The following AGRN variants were observed in gnomAD, a reference collection of about 807,000 sequenced individuals.
The protein encoded by AGRN is agrin.
A neutral mutation model predicts 211.0 loss-of-function variants in AGRN; 106 were observed. The observed-to-expected ratio is 0.50, with a 90% confidence interval of 0.43 to 0.59. The LOEUF is 0.59. AGRN is among the 20% of genes least tolerant of loss of function. The probability of loss-of-function intolerance (pLI) is 0.00; values close to 1 mark genes in which losing one functional copy is unlikely to be tolerated. For synonymous variants in AGRN, 1,525 were observed against 1,332.5 expected (o/e 1.14, Z -3.15); for missense variants, 3,040 against 2,982.6 (o/e 1.02, Z -0.45).
At chr1:1,050,351 G>T in intron 28 of AGRN, 22 bp downstream of exon 28, 1 of 1,612,786 alleles carries the variant, frequency 6.2e-7, no homozygotes, top group East Asian at 2.2e-5. Context: ...AGGAGCAGGG[G>T]GAAGGGCCGG....
At position 1,045,410 on chromosome 1, in the gene AGRN, C is replaced by A. The variant is rs1344424012; in HGVS notation, c.2423C>A (p.Ala808Asp). The A allele has an allele frequency of 1.2e-6, 2 of 1,611,968 alleles. No homozygotes were observed. The highest frequency in any genetic ancestry group is 2.2e-5 in the East Asian group (1 of 44,868). ...TCTTACGGCGGCACCTGTGACCCAG[C>A]CACAGGCCAGTGCTCCTGCCGCCCA... ...HGSYGGTCDP[A>D]TGQCSCRPGV... Residue 808 changes from alanine to aspartate, a missense_variant, in exon 14 of 36, where the codon GCC becomes GAC. Around this residue, in one of 3 missense-constraint regions of AGRN, gnomAD observed 1,498 missense variants for 1,457.8 expected, o/e 1.03. Transcript: ENST00000379370.
At chr1:1,034,003 C>G (rs986297436) in intron 2 of AGRN, 3 of 569,166 alleles carry the variant, frequency 5.3e-6, no homozygotes, top group East Asian at 2.9e-4. Context: ...ACTCACCTCC[C>G]CAGCCCCGCG....
chr1:1,037,193 C>T (rs1003979788), intron 3 of AGRN, among the ~76,000 whole-genome samples: 1 of 152,208 alleles, frequency 6.6e-6, no homozygotes, highest in African/African-American at 2.4e-5. Context: ...ACTGCGTTTC[C>T]ACCACCTGTG....
chr1:1,039,335 G>T (rs1644873209), intron 3 of AGRN, among the ~76,000 whole-genome samples: 1 of 151,442 alleles, frequency 6.6e-6, no homozygotes, highest in Non-Finnish European at 1.5e-5. Context: ...CAGACAGACA[G>T]CGCCAGAGCC....
At position 1,046,285 on chromosome 1, in the gene AGRN, G is replaced by T; in HGVS notation, c.2911+20G>T. 1 of 1,612,854 alleles carries T rather than the reference G, an allele frequency of 6.2e-7. No individual in the cohort carries two copies. Among genetic ancestry groups the T allele is most frequent in the South Asian group, 1.1e-5 (1 of 91,078 alleles). ...GCCAGGGTGAGGCCTGACGGCCACT[G>T]CCCCAGAACTGACCAGGAAGGCCTG... is the stretch of plus-strand genomic sequence containing the variant. On this transcript the variant is annotated intron_variant, in intron 17 of 35. Transcript: ENST00000379370.
At chr1:1,030,813 ATG>A (rs1644653429) in intron 2 of AGRN, among the ~76,000 whole-genome samples, 2 of 38,626 alleles carry the variant, frequency 5.2e-5, no homozygotes, top group Non-Finnish European at 1.0e-4. Flanking sequence ...TGAGATCAGC[ATG>A]TGTGTGTGCA....
At chr1:1,021,198 C>T (rs969931663) in intron 1 of AGRN, among the ~76,000 whole-genome samples, 1 of 152,220 alleles carries the variant, frequency 6.6e-6, no homozygotes, top group Non-Finnish European at 1.5e-5. Context: ...TGGGCTCCCC[C>T]GCCGGCCCAG....
At position 1,045,390 on chromosome 1, in the gene AGRN, C is replaced by T. The variant is rs546440331; in HGVS notation, c.2403C>T (p.Tyr801=). The part of the protein sequence containing the change: ...SACQCNPHGS[Y]GGTCDPATGQ... ...GCCAGTGCAACCCCCATGGCTCTTA[C>T]GGCGGCACCTGTGACCCAGCCACAG... The change falls in exon 14 of 36, where the codon TAC becomes TAT. Residue 801 remains tyrosine, a synonymous_variant. Coordinates refer to ENST00000379370, the MANE Select transcript of AGRN (RefSeq NM_198576.4). The T allele has an allele frequency of 2.4e-5, 38 of 1,610,798 alleles. No homozygotes were observed. The East Asian group carries it at 3.8e-4, about 16-fold the overall frequency.
chr1:1,048,448 C>G lies in AGRN; in HGVS notation c.4105+83C>G. 8.5e-7 allele frequency: 1 copy of G among 1,176,704 alleles called. No individual in the cohort carries two copies. Among genetic ancestry groups the G allele is most frequent in the Non-Finnish European group, 1.2e-6 (1 of 865,924 alleles). 72.9% of individuals were successfully genotyped at this position (1,176,704 alleles called of 1,614,324 possible). A position where few individuals can be genotyped will look rare whatever the true frequency, so the allele number is the denominator to read the frequency against. ...GGGGTGGGGCTAAGCCACCATCAGGCTTTGAGTTGGGGGCAGGAGCCCGGA... is the reference window on the plus strand; with the variant it reads ...GGGGTGGGGCTAAGCCACCATCAGGGTTTGAGTTGGGGGCAGGAGCCCGGA... On this transcript the variant is annotated intron_variant, in intron 23 of 35. Coordinates refer to ENST00000379370, the MANE Select transcript of AGRN (RefSeq NM_198576.4). This position sits in a 1 kb window ranked among gnomAD's most constrained non-coding sequence, Gnocchi z 5.9.
At chr1:1,041,840 C>T (rs144150197) in intron 6 of AGRN, 116 bp from the exon 7 acceptor site, 2 of 1,429,728 alleles carry the variant, frequency 1.4e-6, no homozygotes, top group African/African-American at 3.2e-5. Flanking sequence ...GTGCCAGGGT[C>T]GAGGTGGGCG....
In AGRN at chr1:1,022,365, A is replaced by G; in HGVS notation, c.366A>G (p.Pro122=). Residue 122 remains proline (P), a synonymous_variant, in exon 2 of 36, where the codon CCA becomes CCG. Coordinates refer to ENST00000379370, the MANE Select transcript of AGRN (RefSeq NM_198576.4). ...TCTTCTTTGTGAACCCTGCACCCCC[A>G]TACCTGTGGCCAGCCCACAAGAACG... ...TRIFFVNPAP[P]YLWPAHKNEL... is the part of the protein sequence containing the mutation. 3.7e-6 allele frequency: 6 copies of G among 1,613,322 alleles called. No homozygotes were observed. Among genetic ancestry groups the G allele is most frequent in the Non-Finnish European group, 5.1e-6 (6 of 1,179,978 alleles).
chr1:1,029,589 CCGTGTGTGTGTGTG>C (rs1206786397), intron 2 of AGRN, among the ~76,000 whole-genome samples: 1 of 151,288 alleles, frequency 6.6e-6, no homozygotes, highest in African/African-American at 2.4e-5. Flanking sequence ...CATTGTGTGG[CCGTGTGTGTGTGTG>C]CAGTGCATGG....
At chr1:1,039,494 G>C (rs989353083) in intron 3 of AGRN, among the ~76,000 whole-genome samples, 2 of 151,784 alleles carry the variant, frequency 1.3e-5, no homozygotes, top group African/African-American at 4.8e-5. Context: ...ACTTATTAAT[G>C]ATAATTGGAC....
Position 1,034,636 on chromosome 1 carries a change from C to T in AGRN, c.464-641C>T, listed in dbSNP as rs1644756382. On this transcript the variant is annotated intron_variant, in intron 2 of 35. Transcript: ENST00000379370. ...TGGTGCGAGGCTTCATGGTGCCCTG[C>T]AACGCCTGCCTGATCCTGCTGGCCA... 8 of 987,584 alleles carry T rather than the reference C, an allele frequency of 8.1e-6. No homozygotes were observed. The South Asian group carries it at 2.3e-4, about 29-fold the overall frequency. 61.2% of individuals were successfully genotyped at this position (987,584 alleles called of 1,614,324 possible).
chr1:1,038,819 C>T (rs2465131), intron 3 of AGRN, among the ~76,000 whole-genome samples: 134,049 of 152,064 alleles, frequency 0.88, 59,622 homozygotes, highest in East Asian at 1. Context: ...GGGCCTTGGA[C>T]AAGGCAGGGC....
At chr1:1,051,091 T>C (rs977311678) in intron 30 of AGRN, 162 bp from the exon 31 acceptor site, 3 of 1,543,946 alleles carry the variant, frequency 1.9e-6, no homozygotes, top group Non-Finnish European at 2.6e-6. Context: ...CCTCAACCCC[T>C]AGGGTAGCTC....
intron 1 of AGRN, 84 bp downstream of exon 1, chr1:1,020,457 C>CG (rs2100556299): frequency 7.5e-7 from 1 of 1,330,734 alleles, no homozygotes; most frequent in South Asian, 1.4e-5. Flanking sequence ...GAACCAGCCC[C>CG]GGTCGCTCCG....
chr1:1,036,867 C>T (rs1644816483), intron 3 of AGRN, among the ~76,000 whole-genome samples: 1 of 152,166 alleles, frequency 6.6e-6, no homozygotes, highest in African/African-American at 2.4e-5. Context: ...TGTCCCCCTT[C>T]CTGAGACTCA....
rs1644932048 is a variant in AGRN, at chr1:1,041,390, C to A, written c.945C>A (p.Gly315=). 1 of 1,544,656 alleles carries A rather than the reference C, an allele frequency of 6.5e-7. No homozygotes were observed. The highest frequency in any genetic ancestry group is 8.7e-7 in the Non-Finnish European group (1 of 1,152,076). ...AGAATGTCTTCAAGAAGTTCGACGG[C>A]CCTTGTGGTGAGCGCGGCGGCGGGC... is the stretch of plus-strand genomic sequence containing the variant. ...RQENVFKKFD[G]PCDPCQGALP... The change falls in exon 5 of 36, where the codon GGC becomes GGA. Residue 315 remains glycine, a synonymous_variant. Coordinates refer to ENST00000379370, the MANE Select transcript of AGRN (RefSeq NM_198576.4).
Sources: allele counts gnomAD v4.1 joint callset (sites outside exome capture counted in the v4.1 genomes callset), GRCh38; gene constraint gnomAD v4.1.1; regional missense constraint gnomAD v4.1.1; non-coding constraint Gnocchi (gnomAD v3.1); transcripts MANE v1.5; gene names NCBI Gene and HGNC (gene_info 2026-07-23, HGNC 2026-07-21).